GPSM1: variants seen among roughly 807,000 people sequenced by gnomAD.
GPSM1 encodes the protein G protein-signaling modulator 1.
Under a neutral mutation model 70.5 loss-of-function variants are expected in GPSM1, and 48 were observed. The observed-to-expected ratio is 0.68, with a 90% CI of 0.54 to 0.87. The LOEUF (loss-of-function observed/expected upper bound fraction) is 0.87, where lower values mean the gene tolerates loss of function less well. GPSM1 is among the 40% of genes least tolerant of loss of function. GPSM1 has a pLI of 0.00. For missense variants in GPSM1, 981 were observed against 972.6 expected (o/e 1.01, Z -0.11); for synonymous variants, 416 against 430.1 (o/e 0.97, Z 0.41).
chr9:136,352,223 ACCG>A lies in GPSM1; in HGVS notation c.1455+2461_1455+2463del. On this transcript the variant is annotated intron_variant, in intron 11 of 13. Coordinates refer to ENST00000440944, the MANE Select transcript of GPSM1 (RefSeq NM_001145638.3). ...ATGCTGCGCCGTTGCTGTTGGTGAC[ACCG>A]ATGCTGCGCCGTTGCTGTTGGTGAC... Among the ~76,000 whole-genome samples the A allele has an allele frequency of 3.7e-5, 2 of 54,184 alleles. 1 individual carries two copies. The highest frequency in any genetic ancestry group is 7.2e-5 in the Non-Finnish European group (2 of 27,960). The allele number at this position is 54,184 out of a possible 152,430, so 35.5% of individuals were successfully genotyped here.
intron 11 of GPSM1, among the ~76,000 whole-genome samples, chr9:136,350,359 T>C (rs1446041114): frequency 6.6e-6 from 1 of 152,036 alleles, no homozygotes; most frequent in Non-Finnish European, 1.5e-5. Context: ...CCTGGGGGAA[T>C]CCTGGGATCT....
intron 11 of GPSM1, 89 bp from the exon 12 acceptor site, chr9:136,355,601 A>AGT (rs1247813467): frequency 8.0e-7 from 1 of 1,252,992 alleles, no homozygotes; most frequent in Admixed American, 1.9e-5. Flanking sequence ...GGGTCTCAGA[A>AGT]GTGTGTGTGG....
In GPSM1 at chr9:136,352,236, C is replaced by CGTTGCTGTTGGTGACACCGATGCTGCGCT. The variant is rs1554772267; in HGVS notation, c.1455+2501_1455+2502insTGTTGCTGTTGGTGACACCGATGCTGCGC. ...GCTGTTGGTGACACCGATGCTGCGC[C>CGTTGCTGTTGGTGACACCGATGCTGCGCT]GTTGCTGTTGGTGACACCGATGCTG... On this transcript the variant is annotated intron_variant, in intron 11 of 13. Transcript: ENST00000440944. 8.8e-5 allele frequency among the ~76,000 whole-genome samples: 6 copies of CGTTGCTGTTGGTGACACCGATGCTGCGCT among 68,480 alleles called. 2 individuals carry two copies. Among genetic ancestry groups the CGTTGCTGTTGGTGACACCGATGCTGCGCT allele is most frequent in the Non-Finnish European group, 1.7e-4 (6 of 34,696 alleles). The allele number at this position is 68,480 out of a possible 152,430, so 44.9% of individuals were successfully genotyped here. A position where few individuals can be genotyped will look rare whatever the true frequency, so the allele number is the denominator to read the frequency against.
intron 13 of GPSM1, among the ~76,000 whole-genome samples, chr9:136,357,657 G>C (rs953990080): frequency 6.6e-6 from 1 of 152,202 alleles, no homozygotes. Context: ...GGACGGCCAC[G>C]CATGCCCGTC....
At chr9:136,356,918 G>A (rs1388516014) in intron 13 of GPSM1, among the ~76,000 whole-genome samples, 15 of 152,204 alleles carry the variant, frequency 9.9e-5, no homozygotes, top group South Asian at 4.1e-4. Context: ...GGGAAAACAC[G>A]GGCCAGATAG....
Position 136,349,726 on chromosome 9 carries a change from T to C in GPSM1, c.1418T>C (p.Leu473Pro), listed in dbSNP as rs782638439. Residue 473 changes from leucine (L) to proline (P), a missense_variant, in exon 11 of 14, where the codon CTG becomes CCG. Transcript: ENST00000440944. ...CCCCGGGAGGGCAGCCACTCCCCGC[T>C]GGACAGCGCCGACGTCCGGGTGCAC... is the stretch of plus-strand genomic sequence containing the variant. The part of the protein sequence containing the change: ...RRPREGSHSP[L>P]DSADVRVHVP... The C allele has an allele frequency of 1.9e-6, 3 of 1,578,848 alleles. No homozygotes were observed. Among genetic ancestry groups the C allele is most frequent in the Non-Finnish European group, 2.6e-6 (3 of 1,163,680 alleles).
At position 136,342,485 on chromosome 9, in the gene GPSM1, T is replaced by G. The variant is rs561627159; in HGVS notation, c.1207+1492T>G. ...GACCCCTTCCAGCCGGCCGGACGCCTCCTCCCCCAGGGCTGGGGAAGGGTC... is the reference window on the plus strand; with the variant it reads ...GACCCCTTCCAGCCGGCCGGACGCCGCCTCCCCCAGGGCTGGGGAAGGGTC... On this transcript the variant is annotated intron_variant, in intron 9 of 13. Coordinates refer to ENST00000440944, the MANE Select transcript of GPSM1 (RefSeq NM_001145638.3). The surrounding 1 kb of genome is among the most constrained non-coding windows in gnomAD (Gnocchi z 5.5). Among the ~76,000 whole-genome samples, 380 of 151,838 alleles carry G rather than the reference T, an allele frequency of 2.5e-3. 2 individuals carry two copies. The highest frequency in any genetic ancestry group is 8.7e-3 in the African/African-American group (357 of 41,224).
At chr9:136,357,345 C>T (rs1004016638) in intron 13 of GPSM1, among the ~76,000 whole-genome samples, 4 of 152,216 alleles carry the variant, frequency 2.6e-5, no homozygotes, top group Non-Finnish European at 2.9e-5. Flanking sequence ...GAGGAAACCT[C>T]GGCCCGGGGC....
rs533947072 is a variant in GPSM1, at chr9:136,343,318, C to T, written c.1207+2325C>T. 3.9e-5 allele frequency among the ~76,000 whole-genome samples: 6 copies of T among 151,936 alleles called. No homozygotes were observed. Among genetic ancestry groups the T allele is most frequent in the South Asian group, 2.1e-4 (1 of 4,816 alleles). On this transcript the variant is annotated intron_variant, in intron 9 of 13. Coordinates refer to ENST00000440944, the MANE Select transcript of GPSM1 (RefSeq NM_001145638.3). The surrounding 1 kb of genome is among the most constrained non-coding windows in gnomAD (Gnocchi z 6.0). ...GGAGGCTCTGCTGCCACTCTTGGTG[C>T]GGGCAGCATGATTGGCATGTTGGGA...
In GPSM1 at chr9:136,349,759, G is replaced by A. The variant is rs782159569; in HGVS notation, c.1451G>A (p.Arg484His). 5 of 1,576,806 alleles carry A rather than the reference G, an allele frequency of 3.2e-6. No individual in the cohort carries two copies. Among genetic ancestry groups the A allele is most frequent in the Admixed American group, 3.7e-5 (2 of 54,482 alleles). Reference protein sequence around the residue: ...DSADVRVHVPRTSIPRAPSSD... With the variant: ...DSADVRVHVPHTSIPRAPSSD... ...GCCGACGTCCGGGTGCACGTGCCAC[G>A]CACGGTAGGCGTCTTTGACGGCAGA... is the stretch of plus-strand genomic sequence containing the variant. The change falls in exon 11 of 14, where the codon CGC (arginine) becomes CAC (histidine). Residue 484 changes from arginine to histidine, a missense_variant. Coordinates refer to ENST00000440944, the MANE Select transcript of GPSM1 (RefSeq NM_001145638.3).
At position 136,358,230 on chromosome 9, in the gene GPSM1, CCCA is replaced by C. The variant is rs782415902; in HGVS notation, c.*13_*15del. 124 of 1,536,676 alleles carry C rather than the reference CCCA, an allele frequency of 8.1e-5. No homozygotes were observed. Among genetic ancestry groups the C allele is most frequent in the African/African-American group, 7.1e-4 (52 of 72,972 alleles). On this transcript the variant is annotated 3_prime_UTR_variant, in exon 14 of 14. Transcript: ENST00000440944. The stretch of plus-strand genomic sequence containing the variant: ...GCCTGGTGCGAGCTAAGGCCCTGTG[CCCA>C]CCGCCAGGCCCACCCTGCCCCCACT...
intron 10 of GPSM1, 48 bp downstream of exon 10, chr9:136,348,815 A>G (rs1487847339): frequency 7.0e-7 from 1 of 1,431,354 alleles, no homozygotes; most frequent in Non-Finnish European, 9.8e-7. Flanking sequence ...CTGCCAGAGC[A>G]TGGGCAGCGG....
At chr9:136,346,466 T>G (rs1343217260) in intron 9 of GPSM1, among the ~76,000 whole-genome samples, 3 of 152,224 alleles carry the variant, frequency 2.0e-5, no homozygotes, top group Non-Finnish European at 4.4e-5. Flanking sequence ...GGCTCCCCTC[T>G]GCCCCATAGG....
intron 10 of GPSM1, among the ~76,000 whole-genome samples, chr9:136,349,329 A>G (rs1321209847): frequency 6.6e-6 from 1 of 152,246 alleles, no homozygotes; most frequent in Admixed American, 6.5e-5. Flanking sequence ...ACGAGACCCA[A>G]GGACGCCCAC....
intron 1 of GPSM1, among the ~76,000 whole-genome samples, chr9:136,330,437 G>A (rs781808318): frequency 3.3e-5 from 5 of 152,148 alleles, no homozygotes; most frequent in African/African-American, 1.2e-4. Context: ...GGCAGCGACG[G>A]GCCCTAGGAA....
intron 3 of GPSM1, 71 bp downstream of exon 3, chr9:136,336,172 C>G: frequency 5.4e-6 from 8 of 1,473,276 alleles, no homozygotes; most frequent in Non-Finnish European, 6.5e-6. Flanking sequence ...GGGATAGGGG[C>G]GGGCGGGTGA....
intron 3 of GPSM1, 149 bp downstream of exon 3, chr9:136,336,250 T>TC: frequency 1.0e-6 from 1 of 973,448 alleles, no homozygotes; most frequent in Non-Finnish European, 1.5e-6. Context: ...CCCGAGTGAC[T>TC]CAGGAGAGTG....
rs1554768076 is a variant in GPSM1, at chr9:136,327,775, CG to C, written c.68+16del. On this transcript the variant is annotated intron_variant, in intron 1 of 13. Coordinates refer to ENST00000440944, the MANE Select transcript of GPSM1 (RefSeq NM_001145638.3). ...CGCCTCTACTCCAGGTAGGACGGGC[CG>C]GGGCCGGGGCCGGGGCCGGGGCTGG... 14 of 983,310 alleles carry C rather than the reference CG, an allele frequency of 1.4e-5. No individual in the cohort carries two copies. The highest frequency in any genetic ancestry group is 5.0e-5 in the South Asian group (1 of 20,116). The allele number at this position is 983,310 out of a possible 1,614,324, so 60.9% of individuals were successfully genotyped here.
At chr9:136,349,854 A>T in intron 11 of GPSM1, 91 bp downstream of exon 11, 1 of 1,271,712 alleles carries the variant, frequency 7.9e-7, no homozygotes, top group Non-Finnish European at 1.1e-6. Flanking sequence ...GGGCCAGGTC[A>T]GGCCCGGGCA....
Sources: allele counts gnomAD v4.1 joint callset (sites outside exome capture counted in the v4.1 genomes callset), GRCh38; gene constraint gnomAD v4.1.1; non-coding constraint Gnocchi (gnomAD v3.1); transcripts MANE v1.5; gene names NCBI Gene and HGNC (gene_info 2026-07-23, HGNC 2026-07-21).